PLCE1: variants seen among roughly 807,000 people sequenced by gnomAD.
The protein encoded by PLCE1 is 1-phosphatidylinositol 4,5-bisphosphate phosphodiesterase epsilon-1.
In PLCE1, 119 loss-of-function variants were observed where a neutral mutation model predicts 242.8. That is an observed-to-expected ratio of 0.49 (90% CI 0.42 to 0.57). The LOEUF (loss-of-function observed/expected upper bound fraction) is 0.57, where lower values mean the gene tolerates loss of function less well. PLCE1 is among the 20% of genes least tolerant of loss of function. The probability of loss-of-function intolerance (pLI) is 0.00; values close to 1 mark genes in which losing one functional copy is unlikely to be tolerated. For missense variants in PLCE1, 2,441 were observed against 2,788.8 expected (o/e 0.88, Z 2.81); for synonymous variants, 945 against 1,017.4 (o/e 0.93, Z 1.35).
At chr10:94,090,748 T>C (rs772719883) in intron 2 of PLCE1, among the ~76,000 whole-genome samples, 1 of 152,252 alleles carries the variant, frequency 6.6e-6, no homozygotes, top group African/African-American at 2.4e-5. Flanking sequence ...TTTCAGCCTA[T>C]GTCGTCCTGT....
chr10:94,316,808 C>T, intron 29 of PLCE1, 52 bp downstream of exon 29: 2 of 1,308,032 alleles, frequency 1.5e-6, no homozygotes, highest in Non-Finnish European at 2.2e-6. Flanking sequence ...ATGTGATTAG[C>T]CATTTACCAC....
At chr10:94,067,289 A>C (rs1192620789) in intron 2 of PLCE1, among the ~76,000 whole-genome samples, 2 of 152,112 alleles carry the variant, frequency 1.3e-5, no homozygotes, top group Non-Finnish European at 2.9e-5. Flanking sequence ...TTTCTAGCTG[A>C]CTGAATCAGA....
At chr10:94,292,920 C>A (rs1037885936) in intron 22 of PLCE1, among the ~76,000 whole-genome samples, 13 of 152,148 alleles carry the variant, frequency 8.5e-5, no homozygotes, top group African/African-American at 2.9e-4. Flanking sequence ...GGCACTGTGC[C>A]AGGCATGAAG....
chr10:94,238,704 A>T (rs2050404589), intron 7 of PLCE1, among the ~76,000 whole-genome samples: 1 of 152,208 alleles, frequency 6.6e-6, no homozygotes, highest in Admixed American at 6.5e-5. Context: ...TAAGAGTAGC[A>T]TGTGGCACCA....
intron 2 of PLCE1, among the ~76,000 whole-genome samples, chr10:94,103,369 A>G (rs931892284): frequency 5.9e-5 from 9 of 152,236 alleles, no homozygotes; most frequent in Admixed American, 5.2e-4. Flanking sequence ...GAAAGCATCT[A>G]AGCCAGGGGA....
In PLCE1 at chr10:94,069,293, A is replaced by T. The variant is rs115767082; in HGVS notation, c.1206+37041A>T. Among the ~76,000 whole-genome samples the T allele has an allele frequency of 6.1e-3, 934 of 152,294 alleles. 9 individuals are homozygous for T. Among genetic ancestry groups the T allele is most frequent in the Middle Eastern group, 0.024 (7 of 294 alleles). ...TTCAATTCATGGAATTGAGGTCAAG[A>T]TCCAAAGCAGAAACTCTACCGAGGG... is the stretch of plus-strand genomic sequence containing the variant. On this transcript the variant is annotated intron_variant, in intron 2 of 32. Transcript: ENST00000371380.
chr10:94,279,037 T>C (rs1270424731), intron 19 of PLCE1, among the ~76,000 whole-genome samples: 1 of 152,188 alleles, frequency 6.6e-6, no homozygotes, highest in Non-Finnish European at 1.5e-5. Context: ...AGACAACCAT[T>C]GCTTACTGAC....
chr10:94,159,672 G>A (rs957362179), intron 3 of PLCE1, among the ~76,000 whole-genome samples: 1 of 152,054 alleles, frequency 6.6e-6, no homozygotes, highest in East Asian at 1.9e-4. Context: ...CAACATGCAG[G>A]TTTGTTACAT....
At chr10:94,161,496 C>G (rs1441966562) in intron 3 of PLCE1, among the ~76,000 whole-genome samples, 2 of 152,140 alleles carry the variant, frequency 1.3e-5, no homozygotes, top group Non-Finnish European at 2.9e-5. Flanking sequence ...AATTTTTGCA[C>G]GTTGATTTTG....
intron 1 of PLCE1, among the ~76,000 whole-genome samples, chr10:94,029,967 C>G (rs551356932): frequency 2.0e-5 from 3 of 152,236 alleles, no homozygotes; most frequent in African/African-American, 7.2e-5. Context: ...TTGATTCCCT[C>G]TCTCTACTAA....
chr10:94,089,123 G>A (rs376141707), intron 2 of PLCE1: 1 of 1,614,010 alleles, frequency 6.2e-7, no homozygotes, highest in Non-Finnish European at 8.5e-7. Flanking sequence ...GCAGCAGGAA[G>A]AGACTTTGCA....
chr10:94,109,973 C>G (rs1379194314), intron 2 of PLCE1, among the ~76,000 whole-genome samples: 1 of 148,928 alleles, frequency 6.7e-6, no homozygotes, highest in Non-Finnish European at 1.5e-5. Flanking sequence ...TTCACATGGG[C>G]TTTGATGTTA....
At chr10:94,284,783 T>G (rs919066578) in intron 21 of PLCE1, 65 bp from the exon 22 acceptor site, 73 of 864,400 alleles carry the variant, frequency 8.4e-5, no homozygotes, top group Admixed American at 1.9e-4. Context: ...TAAAAGAGCT[T>G]TGGGAATCCA....
chr10:94,051,054 T>C (rs974650919), intron 2 of PLCE1, among the ~76,000 whole-genome samples: 7 of 152,188 alleles, frequency 4.6e-5, no homozygotes, highest in African/African-American at 1.7e-4. Context: ...GTCAGATCAC[T>C]AGGCAATGGA....
At chr10:94,274,630 C>G (rs2051877867) in intron 19 of PLCE1, among the ~76,000 whole-genome samples, 1 of 152,116 alleles carries the variant, frequency 6.6e-6, no homozygotes, top group Admixed American at 6.6e-5. Flanking sequence ...GTGGTGAGGA[C>G]AGGAGTGGAG....
chr10:94,221,671 A>G (rs908339287), intron 4 of PLCE1, among the ~76,000 whole-genome samples: 1 of 152,140 alleles, frequency 6.6e-6, no homozygotes, highest in East Asian at 1.9e-4. Context: ...GGAGGCGGAG[A>G]TTGCAGTGAG....
intron 4 of PLCE1, among the ~76,000 whole-genome samples, chr10:94,203,034 C>G (rs2798000): frequency 0.69 from 104,300 of 152,122 alleles, 37,234 homozygotes; most frequent in South Asian, 0.81. Context: ...TGCAAGCCAG[C>G]ATGGTGCTAT....
At chr10:94,019,640 G>T (rs1434512159) in intron 1 of PLCE1, among the ~76,000 whole-genome samples, 1 of 152,186 alleles carries the variant, frequency 6.6e-6, no homozygotes, top group East Asian at 1.9e-4. Flanking sequence ...TGGAACACTT[G>T]AATTGTGGCT....
At chr10:94,289,598 A>C (rs1302292119) in intron 22 of PLCE1, among the ~76,000 whole-genome samples, 1 of 152,246 alleles carries the variant, frequency 6.6e-6, no homozygotes, top group Non-Finnish European at 1.5e-5. Context: ...ATGTTACTGC[A>C]CTGAATACGG....
Sources: gnomAD v4.1 joint callset for allele counts (sites outside exome capture counted in the v4.1 genomes callset) on GRCh38, gnomAD v4.1.1 for gene constraint, MANE v1.5 for transcripts, NCBI Gene and HGNC (gene_info 2026-07-23, HGNC 2026-07-21) for gene names.